ASPSCR1: variants seen among roughly 807,000 people sequenced by gnomAD.
The protein encoded by ASPSCR1 is tether containing UBX domain for GLUT4.
In ASPSCR1, 55 loss-of-function variants were observed where a neutral mutation model predicts 68.9. The ratio of observed to expected loss-of-function variants is 0.80; its 90% confidence interval spans 0.64 to 1.00. ASPSCR1 has a LOEUF of 1.00. Ranked by LOEUF, ASPSCR1 falls within the 50% of genes least tolerant of loss-of-function variation. The pLI, the probability that ASPSCR1 is intolerant of heterozygous loss-of-function variation, is 0.00. For synonymous variants in ASPSCR1, 352 were observed against 332.6 expected, an observed-to-expected ratio of 1.06 and a Z score of -0.63; for missense variants, 765 against 762.2, an observed-to-expected ratio of 1.00 and a Z score of -0.04.
chr17:82,004,491 C>T (rs1431486621), intron 7 of ASPSCR1: 1 of 152,406 alleles, frequency 6.6e-6, no homozygotes, highest in Non-Finnish European at 1.5e-5. Context: ...AGGGGCTTCA[C>T]CTGCAGGAGG....
At chr17:82,011,743 CCTG>C in intron 11 of ASPSCR1, 138 bp downstream of exon 11, 3 of 934,610 alleles carry the variant, frequency 3.2e-6, no homozygotes, top group Non-Finnish European at 4.9e-6. Flanking sequence ...CCAGGTGCCT[CCTG>C]CAGCCCATGG....
chr17:82,010,307 A>G (rs2144090609), intron 9 of ASPSCR1, among the ~76,000 whole-genome samples: 1 of 151,004 alleles, frequency 6.6e-6, no homozygotes, highest in Non-Finnish European at 1.5e-5. Context: ...AGGTGGGCGG[A>G]TCATGAGGTC....
intron 9 of ASPSCR1, among the ~76,000 whole-genome samples, chr17:82,010,528 CAAAAA>C (rs1193895939): frequency 8.7e-5 from 5 of 57,182 alleles, no homozygotes; most frequent in Non-Finnish European, 1.4e-4. Context: ...GACTCCATCT[CAAAAA>C]AAAAAAAAAA....
chr17:81,999,621 C>T lies in ASPSCR1; in HGVS notation c.933+2775C>T, dbSNP rs2042461219. ...CAGCCCGGGTGACAGAGTGAAACTCCATCTCAAAAAAAAAAAAAAAAAAGA... is the reference window on the plus strand; with the variant it reads ...CAGCCCGGGTGACAGAGTGAAACTCTATCTCAAAAAAAAAAAAAAAAAAGA... On this transcript the variant is annotated intron_variant, in intron 7 of 15. Coordinates refer to ENST00000306739, the MANE Select transcript of ASPSCR1 (RefSeq NM_024083.4). This position sits in a 1 kb window ranked among gnomAD's most constrained non-coding sequence, Gnocchi z 4.4. Among the ~76,000 whole-genome samples, 3 of 142,638 alleles carry T rather than the reference C, an allele frequency of 2.1e-5. No individual in the cohort carries two copies. The Admixed American group carries it at 2.1e-4, about 10-fold the overall frequency. 93.6% of individuals were successfully genotyped at this position (142,638 alleles called of 152,430 possible). A position where few individuals can be genotyped will look rare whatever the true frequency, so the allele number is the denominator to read the frequency against.
chr17:82,000,966 G>T (rs2042510404), intron 7 of ASPSCR1, among the ~76,000 whole-genome samples: 1 of 152,170 alleles, frequency 6.6e-6, no homozygotes, highest in Non-Finnish European at 1.5e-5. Context: ...GGCTGGGTCT[G>T]CCCGCACGGG....
chr17:81,978,147 G>A (rs1567948578), intron 1 of ASPSCR1: 2 of 156,346 alleles, frequency 1.3e-5, no homozygotes, highest in Non-Finnish European at 2.8e-5. Context: ...AGATGTCCCG[G>A]CCGTGGGGCC....
rs908399806 is a variant in ASPSCR1 at position 82,009,645 on chromosome 17, C to T, written c.1170+78C>T. ...CGTGAGGTCTGTGGACGGGATGGGG[C>T]GACTGAGGCACAGCTCTGAGCGGGC... On this transcript the variant is annotated intron_variant, in intron 9 of 15. Transcript: ENST00000306739. 28 of 493,314 alleles carry T rather than the reference C, an allele frequency of 5.7e-5. No individual in the cohort carries two copies. The Admixed American group carries it at 6.1e-4, about 11-fold the overall frequency. The allele number at this position is 493,314 out of a possible 1,614,324, so 30.6% of individuals were successfully genotyped here.
chr17:81,982,970 T>C (rs1192944186), intron 2 of ASPSCR1, among the ~76,000 whole-genome samples: 1 of 152,110 alleles, frequency 6.6e-6, no homozygotes, highest in East Asian at 1.9e-4. Context: ...TGAGCCACCA[T>C]GCCCAGCTTA....
chr17:82,016,574 C>T (rs770039721), intron 13 of ASPSCR1, 47 bp downstream of exon 13: 4 of 1,547,888 alleles, frequency 2.6e-6, no homozygotes, highest in Non-Finnish European at 3.5e-6. Flanking sequence ...GCCAGCCTGT[C>T]CCTGGACCTC....
At chr17:81,998,910 GC>G (rs2042441160) in intron 7 of ASPSCR1, among the ~76,000 whole-genome samples, 1 of 152,250 alleles carries the variant, frequency 6.6e-6, no homozygotes, top group Non-Finnish European at 1.5e-5. Flanking sequence ...TGACCTCCGA[GC>G]ATGCCTGTGT....
At chr17:82,010,998 G>A in intron 10 of ASPSCR1, 130 bp downstream of exon 10, 1 of 1,101,484 alleles carries the variant, frequency 9.1e-7, no homozygotes, top group African/African-American at 1.6e-5. Context: ...GTGGGTGCGG[G>A]TGCTGATGTC....
At chr17:82,009,635 CG>C (rs1416389827) in intron 9 of ASPSCR1, 68 bp downstream of exon 9, 8,652 of 337,310 alleles carry the variant, frequency 0.026, 14 homozygotes, top group Non-Finnish European at 0.031. Context: ...GGTCTGTGGA[CG>C]GGATGGGGCG....
chr17:81,979,714 A>G (rs953916091), intron 2 of ASPSCR1, among the ~76,000 whole-genome samples: 4 of 152,116 alleles, frequency 2.6e-5, no homozygotes, highest in Admixed American at 2.0e-4. Context: ...TGAGTTGCAT[A>G]AGTTCCCAGT....
rs759036666 is a variant in ASPSCR1 at position 81,996,410 on chromosome 17, C to T, written c.507-10C>T. 19 of 1,571,864 alleles carry T rather than the reference C, an allele frequency of 1.2e-5. No homozygotes were observed. The Admixed American group carries it at 3.4e-4, about 28-fold the overall frequency. ...ACAAGGTGCTTCCCTTGTCCTCTGG[C>T]CCCACTCAGGTTTGTCATGAAGTGC... On this transcript the variant is annotated splice_polypyrimidine_tract_variant and intron_variant, in intron 6 of 15. Transcript: ENST00000306739.
intron 3 of ASPSCR1, among the ~76,000 whole-genome samples, chr17:81,984,997 C>A (rs558591556): frequency 3.9e-4 from 48 of 124,310 alleles, no homozygotes; most frequent in Non-Finnish European, 6.3e-4. Context: ...CGTGCACACC[C>A]CCCCACACAC....
intron 7 of ASPSCR1, 117 bp downstream of exon 7, chr17:81,996,963 A>C: frequency 6.7e-7 from 1 of 1,502,434 alleles, no homozygotes; most frequent in Non-Finnish European, 8.9e-7. Flanking sequence ...GAGGAACCCA[A>C]ACGCGCAGAG....
intron 7 of ASPSCR1, among the ~76,000 whole-genome samples, chr17:81,998,473 C>T (rs1197434177): frequency 2.0e-5 from 3 of 152,170 alleles, no homozygotes; most frequent in Non-Finnish European, 4.4e-5. Context: ...TCTTAGTAGA[C>T]ATCCTTCCTT....
intron 6 of ASPSCR1, 82 bp from the exon 7 acceptor site, chr17:81,996,338 G>A (rs1808644497): frequency 6.6e-7 from 1 of 1,513,714 alleles, no homozygotes; most frequent in African/African-American, 1.4e-5. Flanking sequence ...CCGGGGGCGG[G>A]AGAGGGTGAG....
chr17:82,009,806 T>C (rs879163316), intron 9 of ASPSCR1: 39 of 374,890 alleles, frequency 1.0e-4, no homozygotes, highest in African/African-American at 8.9e-4. Flanking sequence ...GGTCTGTGGA[T>C]GGGACGTGGG....
Sources: gnomAD v4.1 joint callset for allele counts (sites outside exome capture counted in the v4.1 genomes callset) on GRCh38, gnomAD v4.1.1 for gene constraint, Gnocchi (gnomAD v3.1) non-coding constraint, MANE v1.5 for transcripts, NCBI Gene and HGNC (gene_info 2026-07-23, HGNC 2026-07-21) for gene names.